UBASH3B: variants seen among roughly 807,000 people sequenced by gnomAD.
UBASH3B encodes ubiquitin-associated and SH3 domain-containing protein B.
A neutral mutation model predicts 83.4 loss-of-function variants in UBASH3B; 37 were observed. The observed-to-expected ratio is 0.44, with a 90% confidence interval of 0.34 to 0.58. The LOEUF is 0.58. Among genes scored for constraint, UBASH3B ranks in the 20% least tolerant of loss-of-function variants. The pLI, the probability that UBASH3B is intolerant of heterozygous loss-of-function variation, is 0.01. For synonymous variants in UBASH3B, 304 were observed against 318.3 expected, an observed-to-expected ratio of 0.96 and a Z score of 0.48; for missense variants, 657 against 827.2, an observed-to-expected ratio of 0.79 and a Z score of 2.52.
chr11:122,689,942 C>T (rs997723052), intron 1 of UBASH3B, among the ~76,000 whole-genome samples: 2 of 151,856 alleles, frequency 1.3e-5, no homozygotes, highest in Non-Finnish European at 2.9e-5. Context: ...CCTGGCGCCA[C>T]CCTCCAGGAC....
chr11:122,734,967 T>G (rs1860909298), intron 1 of UBASH3B, among the ~76,000 whole-genome samples: 1 of 152,188 alleles, frequency 6.6e-6, no homozygotes, highest in Admixed American at 6.5e-5. Flanking sequence ...CTAGCAAACT[T>G]TATATAAACT....
rs12789431 is a variant in UBASH3B at position 122,802,315 on chromosome 11, A to G, written c.1595+983A>G. On this transcript the variant is annotated intron_variant, in intron 11 of 13. Coordinates refer to ENST00000284273, the MANE Select transcript of UBASH3B (RefSeq NM_032873.5). ...GGTGACAGAGTGAGACTCTGTCTGA[A>G]AAAAAAAAAAAAAAAAAAAAAGAAT... Among the ~76,000 whole-genome samples the G allele has an allele frequency of 1.9e-4, 17 of 90,582 alleles. No individual in the cohort carries two copies. The East Asian group carries it at 2.1e-3, about 11-fold the overall frequency. 59.4% of individuals were successfully genotyped at this position (90,582 alleles called of 152,430 possible).
At chr11:122,732,829 G>A (rs1317324271) in intron 1 of UBASH3B, among the ~76,000 whole-genome samples, 1 of 152,210 alleles carries the variant, frequency 6.6e-6, no homozygotes, top group Non-Finnish European at 1.5e-5. Context: ...GACAGGCAGT[G>A]TTCTGGATTC....
intron 4 of UBASH3B, among the ~76,000 whole-genome samples, chr11:122,782,133 C>A (rs1027932596): frequency 6.6e-6 from 1 of 151,798 alleles, no homozygotes; most frequent in Non-Finnish European, 1.5e-5. Flanking sequence ...CCCAGCTACT[C>A]AGGAAGCTGA....
At chr11:122,696,215 G>C (rs1377864691) in intron 1 of UBASH3B, among the ~76,000 whole-genome samples, 2 of 151,396 alleles carry the variant, frequency 1.3e-5, no homozygotes, top group Non-Finnish European at 2.9e-5. Context: ...CTCCCAAAGC[G>C]CTGGGATTAC....
chr11:122,758,923 T>A lies in UBASH3B; in HGVS notation c.162-17296T>A, dbSNP rs779198462. Among the ~76,000 whole-genome samples the A allele has an allele frequency of 4.3e-4, 66 of 152,174 alleles. No individual in the cohort carries two copies. The highest frequency in any genetic ancestry group is 8.4e-4 in the Non-Finnish European group (57 of 68,022). ...GCCAATGCTCACTCTTCCTTTCCTA[T>A]TTCACTCTTCCTGAAAAGCTAGGTG... is the stretch of plus-strand genomic sequence containing the variant. On this transcript the variant is annotated intron_variant, in intron 1 of 13. Coordinates refer to ENST00000284273, the MANE Select transcript of UBASH3B (RefSeq NM_032873.5). This position sits in a 1 kb window ranked among gnomAD's most constrained non-coding sequence, Gnocchi z 4.2.
At chr11:122,712,907 T>G (rs1369140572) in intron 1 of UBASH3B, among the ~76,000 whole-genome samples, 6 of 98,166 alleles carry the variant, frequency 6.1e-5, no homozygotes, top group African/African-American at 2.4e-4. Flanking sequence ...TTTTTTTTTT[T>G]TTTTTTTTTT....
intron 7 of UBASH3B, among the ~76,000 whole-genome samples, chr11:122,795,699 G>T (rs760441518): frequency 6.6e-6 from 1 of 152,144 alleles, no homozygotes; most frequent in Non-Finnish European, 1.5e-5. Context: ...AGGACCATGT[G>T]GTCTGTCCAC....
chr11:122,685,458 T>C (rs1197893957), intron 1 of UBASH3B, among the ~76,000 whole-genome samples: 1 of 152,226 alleles, frequency 6.6e-6, no homozygotes, highest in Non-Finnish European at 1.5e-5. Context: ...TAGGCAGAGA[T>C]GGAGTTTTCA....
chr11:122,665,309 T>G (rs1863501808), intron 1 of UBASH3B, among the ~76,000 whole-genome samples: 1 of 152,134 alleles, frequency 6.6e-6, no homozygotes. Context: ...TTCTGAACAG[T>G]GAGAACTACA....
intron 1 of UBASH3B, among the ~76,000 whole-genome samples, chr11:122,743,380 A>C (rs1861058244): frequency 6.6e-6 from 1 of 152,034 alleles, no homozygotes; most frequent in Non-Finnish European, 1.5e-5. Context: ...ATGCCTAGCT[A>C]ATTTTTTTAC....
rs566381156 is a variant in UBASH3B, at chr11:122,812,676, G to A, written c.*2790G>A. ...TTAATCTGGGATTGAAAGCCTGAAA[G>A]CATTTCCTGCTTCTACAAGTGTGCC... On this transcript the variant is annotated 3_prime_UTR_variant, in exon 14 of 14. Coordinates refer to ENST00000284273, the MANE Select transcript of UBASH3B (RefSeq NM_032873.5). 1 of 152,216 alleles carries A rather than the reference G, an allele frequency of 6.6e-6. No individual in the cohort carries two copies. Among genetic ancestry groups the A allele is most frequent in the Non-Finnish European group, 1.5e-5 (1 of 68,032 alleles). The allele number at this position is 152,216 out of a possible 1,614,324, so 9.4% of individuals were successfully genotyped here.
chr11:122,744,873 C>CTGTGTGTGTGTGTGTGTG (rs544992534), intron 1 of UBASH3B, among the ~76,000 whole-genome samples: 10,006 of 138,894 alleles, frequency 0.072, 339 homozygotes, highest in East Asian at 0.11. Context: ...ATGTGTGACT[C>CTGTGTGTGTGTGTGTGTG]TGTGTGTGTG....
intron 1 of UBASH3B, among the ~76,000 whole-genome samples, chr11:122,754,885 A>T (rs1399333721): frequency 6.6e-6 from 1 of 152,184 alleles, no homozygotes; most frequent in Non-Finnish European, 1.5e-5. Context: ...CGCTAGTGAC[A>T]GAGCAGGACT....
At chr11:122,724,479 G>C (rs1300047264) in intron 1 of UBASH3B, among the ~76,000 whole-genome samples, 1 of 152,202 alleles carries the variant, frequency 6.6e-6, no homozygotes, top group Non-Finnish European at 1.5e-5. Context: ...TGGGAGACAG[G>C]CATGAAAACA....
chr11:122,707,952 C>T (rs1388367376), intron 1 of UBASH3B, among the ~76,000 whole-genome samples: 4 of 152,170 alleles, frequency 2.6e-5, no homozygotes, highest in Admixed American at 2.6e-4. Context: ...GCCTTGGCCT[C>T]CCAAAGTGCC....
chr11:122,801,283 C>T lies in UBASH3B; in HGVS notation c.1546C>T (p.Pro516Ser). The change falls in exon 11 of 14, where the codon CCT becomes TCT. Residue 516 changes from proline (P) to serine (S), a missense_variant. Around this residue, in one of 3 missense-constraint regions of UBASH3B, gnomAD observed 573 missense variants for 739.0 expected, o/e 0.78. Transcript: ENST00000284273. ...VAGSTLPAWI[P>S]PSELAAANLS... ...TGGGAGCACATTACCTGCATGGATA[C>T]CTCCATCAGAGTTAGCTGCAGCCAA... 6.2e-7 allele frequency: 1 copy of T among 1,614,136 alleles called. No individual in the cohort carries two copies. Among genetic ancestry groups the T allele is most frequent in the Non-Finnish European group, 8.5e-7 (1 of 1,180,006 alleles).
At chr11:122,714,332 A>C (rs1864238761) in intron 1 of UBASH3B, among the ~76,000 whole-genome samples, 1 of 152,224 alleles carries the variant, frequency 6.6e-6, no homozygotes, top group Admixed American at 6.5e-5. Context: ...TCACTACCTT[A>C]CAAGGCCATT....
At chr11:122,739,168 T>C (rs1265758369) in intron 1 of UBASH3B, among the ~76,000 whole-genome samples, 1 of 152,154 alleles carries the variant, frequency 6.6e-6, no homozygotes, top group African/African-American at 2.4e-5. Context: ...GGGTAATTTG[T>C]AAATTTTTTG....
Sources: allele counts gnomAD v4.1 joint callset (sites outside exome capture counted in the v4.1 genomes callset), GRCh38; gene constraint gnomAD v4.1.1; regional missense constraint gnomAD v4.1.1; non-coding constraint Gnocchi (gnomAD v3.1); transcripts MANE v1.5; gene names NCBI Gene and HGNC (gene_info 2026-07-23, HGNC 2026-07-21).